The following TMPRSS2 variants were observed in gnomAD, a reference collection of about 807,000 sequenced individuals.
The protein encoded by TMPRSS2 is transmembrane serine protease 2, also known as transmembrane protease serine 2.
TMPRSS2 carries 59 observed loss-of-function variants against 67.4 expected under a neutral mutation model. That is an observed-to-expected ratio of 0.88 (90% confidence interval 0.71 to 1.09). The LOEUF (loss-of-function observed/expected upper bound fraction) is 1.09, where lower values mean the gene tolerates loss of function less well. TMPRSS2 is among the 50% of genes least tolerant of loss of function. TMPRSS2 has a pLI of 0.00. For synonymous variants in TMPRSS2, 257 were observed against 257.0 expected (o/e 1.00, Z 0.00); for missense variants, 668 against 642.7 (o/e 1.04, Z -0.43).
chr21:41,471,321 A>T (rs960626897), intron 10 of TMPRSS2, among the ~76,000 whole-genome samples: 1 of 152,242 alleles, frequency 6.6e-6, no homozygotes, highest in Non-Finnish European at 1.5e-5. Flanking sequence ...TATCTTTAAA[A>T]ATCAAGGATC....
chr21:41,478,693 G>A lies in TMPRSS2; in HGVS notation c.683+479C>T, dbSNP rs941414287. 6.6e-6 allele frequency among the ~76,000 whole-genome samples: 1 copy of A among 152,140 alleles called. No individual in the cohort carries two copies. The highest frequency in any genetic ancestry group is 1.5e-5 in the Non-Finnish European group (1 of 68,026). ...CACCCTCTGGCACTGCTGTCCCGGG[G>A]TTGGGGCTAACGGGACCAGCCAGCC... On this transcript the variant is annotated intron_variant, in intron 7 of 13. Transcript: ENST00000332149. This position sits in a 1 kb window ranked among gnomAD's most constrained non-coding sequence, Gnocchi z 4.0.
intron 5 of TMPRSS2, among the ~76,000 whole-genome samples, chr21:41,483,149 G>A (rs1319279075): frequency 6.6e-6 from 1 of 152,202 alleles, no homozygotes; most frequent in African/African-American, 2.4e-5. Context: ...CAGCACTGAT[G>A]TGGGATGTTC....
intron 13 of TMPRSS2, among the ~76,000 whole-genome samples, chr21:41,466,711 C>G (rs932116570): frequency 6.6e-6 from 1 of 152,228 alleles, no homozygotes; most frequent in Non-Finnish European, 1.5e-5. Flanking sequence ...GCGGGAAAGG[C>G]CCCCTGGTTC....
At position 41,484,172 on chromosome 21, in the gene TMPRSS2, G is replaced by C. The variant is rs141091900; in HGVS notation, c.446-3570C>G. Among the ~76,000 whole-genome samples, 187 of 152,262 alleles carry C rather than the reference G, an allele frequency of 1.2e-3. 1 individual carries two copies. The highest frequency in any genetic ancestry group is 4.2e-3 in the East Asian group (22 of 5,192). ...TGTACAGCGTGATGACTGGATATCC[G>C]CTGTGAAATGCTCACCATAATAAAG... is the stretch of plus-strand genomic sequence containing the variant. On this transcript the variant is annotated intron_variant, in intron 5 of 13. Coordinates refer to ENST00000332149, the MANE Select transcript of TMPRSS2 (RefSeq NM_005656.4).
intron 3 of TMPRSS2, among the ~76,000 whole-genome samples, chr21:41,493,189 C>G (rs1331422814): frequency 1.3e-5 from 2 of 152,144 alleles, no homozygotes; most frequent in South Asian, 4.1e-4. Context: ...CCAACCACCC[C>G]CAGAAGAACA....
Position 41,502,543 on chromosome 21 carries a change from A to G in TMPRSS2, c.-56-4354T>C, listed in dbSNP as rs1601592544. On this transcript the variant is annotated intron_variant, in intron 1 of 13. Coordinates refer to ENST00000332149, the MANE Select transcript of TMPRSS2 (RefSeq NM_005656.4). Reference sequence around the variant, plus strand: ...CACCATCCACGGACACATCCCAGCCAATGACCAAATCATCAAAAAGAGCCC... The same window carrying G: ...CACCATCCACGGACACATCCCAGCCGATGACCAAATCATCAAAAAGAGCCC... 1.0e-5 allele frequency: 10 copies of G among 985,366 alleles called. No homozygotes were observed. In the South Asian group the frequency reaches 4.7e-4, roughly 46 times the overall value. 61.0% of individuals were successfully genotyped at this position (985,366 alleles called of 1,614,324 possible).
intron 5 of TMPRSS2, 69 bp downstream of exon 5, chr21:41,488,325 G>T: frequency 6.4e-7 from 1 of 1,570,870 alleles, no homozygotes; most frequent in Non-Finnish European, 8.7e-7. Context: ...TCACCCAAAG[G>T]CCCCTGGACC....
intron 6 of TMPRSS2, among the ~76,000 whole-genome samples, chr21:41,480,075 G>C (rs941372416): frequency 8.5e-5 from 13 of 152,168 alleles, no homozygotes; most frequent in African/African-American, 3.1e-4. Flanking sequence ...TGTCTCTGCT[G>C]CTCTCCCCAG....
At position 41,480,676 on chromosome 21, in the gene TMPRSS2, T is replaced by A. The variant is rs2091250314; in HGVS notation, c.446-74A>T. 3.2e-6 allele frequency: 5 copies of A among 1,554,922 alleles called. No individual in the cohort carries two copies. In the East Asian group the frequency reaches 1.2e-4, roughly 37 times the overall value. Reference sequence around the variant, plus strand: ...TTTTTTGAGACGGAGTCTCGCTCTGTCACCTAGGCTGAAGTGCAGTGGTCT... The same window carrying A: ...TTTTTTGAGACGGAGTCTCGCTCTGACACCTAGGCTGAAGTGCAGTGGTCT... On this transcript the variant is annotated intron_variant, in intron 5 of 13. Coordinates refer to ENST00000332149, the MANE Select transcript of TMPRSS2 (RefSeq NM_005656.4).
chr21:41,469,496 C>A (rs890926922), intron 11 of TMPRSS2, among the ~76,000 whole-genome samples: 1 of 152,140 alleles, frequency 6.6e-6, no homozygotes, highest in African/African-American at 2.4e-5. Flanking sequence ...TCCACAAGGA[C>A]CTATGCAATC....
chr21:41,476,326 G>T (rs2091212510), intron 8 of TMPRSS2, among the ~76,000 whole-genome samples: 1 of 152,172 alleles, frequency 6.6e-6, no homozygotes, highest in Non-Finnish European at 1.5e-5. Flanking sequence ...TAAAGTGTAG[G>T]GCTTTGTCAG....
chr21:41,495,626 C>CAA lies in TMPRSS2; in HGVS notation c.16-1050_16-1049dup, dbSNP rs11336247. ...GGCGACAAGAGCGAAACTCCCGTCT[C>CAA]AAAAAAAAAAAAAAAACCACTATGA... is the stretch of plus-strand genomic sequence containing the variant. On this transcript the variant is annotated intron_variant, in intron 2 of 13. Coordinates refer to ENST00000332149, the MANE Select transcript of TMPRSS2 (RefSeq NM_005656.4). 1.1e-3 allele frequency among the ~76,000 whole-genome samples: 136 copies of CAA among 128,332 alleles called. 1 individual carries two copies. The highest frequency in any genetic ancestry group is 2.6e-3 in the African/African-American group (90 of 33,968). The allele number at this position is 128,332 out of a possible 152,430, so 84.2% of individuals were successfully genotyped here.
At chr21:41,497,919 T>C (rs1157579531) in intron 2 of TMPRSS2, among the ~76,000 whole-genome samples, 200 bp downstream of exon 2, 1 of 152,204 alleles carries the variant, frequency 6.6e-6, no homozygotes, top group Non-Finnish European at 1.5e-5. Context: ...CCAACAGCCA[T>C]GGCTCTTGCG....
intron 3 of TMPRSS2, 92 bp from the exon 4 acceptor site, chr21:41,489,685 T>A: frequency 1.3e-6 from 1 of 765,082 alleles, no homozygotes; most frequent in South Asian, 1.8e-5. Flanking sequence ...GTACACCACA[T>A]TAAGAAATAA....
rs1370501368 is a variant in TMPRSS2, at chr21:41,465,189, G to C, written c.*953C>G. ...GAGTTAAATGAAGGTGGACTACTTG[G>C]AGACATCAAAAGCTAAGTTTCCAGG... On this transcript the variant is annotated 3_prime_UTR_variant, in exon 14 of 14. Transcript: ENST00000332149. 4 of 233,642 alleles carry C rather than the reference G, an allele frequency of 1.7e-5. No individual in the cohort carries two copies. The highest frequency in any genetic ancestry group is 2.5e-5 in the Non-Finnish European group (3 of 118,066). The allele number at this position is 233,642 out of a possible 1,614,324, so 14.5% of individuals were successfully genotyped here. A position where few individuals can be genotyped will look rare whatever the true frequency, so the allele number is the denominator to read the frequency against.
At chr21:41,468,235 A>T in intron 12 of TMPRSS2, 161 bp downstream of exon 12, 1 of 852,528 alleles carries the variant, frequency 1.2e-6, no homozygotes, top group Non-Finnish European at 1.8e-6. Flanking sequence ...TTCTGCCACC[A>T]GAAGCGTTCG....
chr21:41,488,824 G>C (rs1259474506), intron 4 of TMPRSS2, among the ~76,000 whole-genome samples: 1 of 152,136 alleles, frequency 6.6e-6, no homozygotes, highest in African/African-American at 2.4e-5. Context: ...TTTTAGTAGA[G>C]ATGGAGTTTC....
At chr21:41,480,840 G>A (rs1358199401) in intron 5 of TMPRSS2, among the ~76,000 whole-genome samples, 1 of 152,084 alleles carries the variant, frequency 6.6e-6, no homozygotes, top group African/African-American at 2.4e-5. Flanking sequence ...GTTTCACCAT[G>A]TTGGCCAGGC....
chr21:41,490,368 G>A (rs115849825), intron 3 of TMPRSS2, among the ~76,000 whole-genome samples: 214 of 152,164 alleles, frequency 1.4e-3, no homozygotes, highest in African/African-American at 4.8e-3. Context: ...TGTCCCATTC[G>A]GACATCCACC....
Sources: allele counts gnomAD v4.1 joint callset (sites outside exome capture counted in the v4.1 genomes callset), GRCh38; gene constraint gnomAD v4.1.1; non-coding constraint Gnocchi (gnomAD v3.1); transcripts MANE v1.5; gene names NCBI Gene and HGNC (gene_info 2026-07-23, HGNC 2026-07-21).